The following SCN8A variants were observed in gnomAD, a reference collection of about 807,000 sequenced individuals.
SCN8A encodes sodium channel protein type 8 subunit alpha.
In SCN8A, 30 loss-of-function variants were observed where a neutral mutation model predicts 184.1. The ratio of observed to expected loss-of-function variants is 0.16; its 90% CI spans 0.12 to 0.22. The LOEUF (loss-of-function observed/expected upper bound fraction) is 0.22, where lower values mean the gene tolerates loss of function less well. Ranked by LOEUF, SCN8A falls within the 10% of genes least tolerant of loss-of-function variation. SCN8A has a pLI of 1.00. For missense variants in SCN8A, 1,057 were observed against 2,498.9 expected, an observed-to-expected ratio of 0.42 and a Z score of 12.30; for synonymous variants, 852 against 907.0, an observed-to-expected ratio of 0.94 and a Z score of 1.09.
intron 2 of SCN8A, among the ~76,000 whole-genome samples, chr12:51,670,450 T>G: frequency 6.6e-6 from 1 of 152,140 alleles, no homozygotes; most frequent in East Asian, 1.9e-4. Flanking sequence ...ATCCAGGTCA[T>G]CTAATTTGAT....
chr12:51,699,474 T>C, intron 6 of SCN8A, 96 bp from the exon 7 acceptor site: 1 of 772,174 alleles, frequency 1.3e-6, no homozygotes, highest in Non-Finnish European at 2.1e-6. Flanking sequence ...AGAGTGGTGC[T>C]GTGGGGAGGA....
chr12:51,697,343 T>G (rs564720383), intron 6 of SCN8A, among the ~76,000 whole-genome samples: 16 of 152,186 alleles, frequency 1.1e-4, no homozygotes, highest in Non-Finnish European at 2.2e-4. Context: ...TTTAAGATAT[T>G]TGTGTAAGAG....
At chr12:51,602,940 T>C (rs1939499821) in intron 1 of SCN8A, among the ~76,000 whole-genome samples, 1 of 152,354 alleles carries the variant, frequency 6.6e-6, no homozygotes, top group East Asian at 1.9e-4. Flanking sequence ...TTTTCCTTTT[T>C]TTCTTCTTAA....
At chr12:51,634,596 G>C (rs1399615263) in intron 1 of SCN8A, among the ~76,000 whole-genome samples, 1 of 149,854 alleles carries the variant, frequency 6.7e-6, no homozygotes, top group African/African-American at 2.4e-5. Context: ...AATTTTTATA[G>C]TTTTCTATAT....
intron 1 of SCN8A, among the ~76,000 whole-genome samples, chr12:51,607,175 G>A (rs1436377191): frequency 6.6e-6 from 1 of 152,134 alleles, no homozygotes; most frequent in Non-Finnish European, 1.5e-5. Context: ...GGGATTACAG[G>A]CGTGAGCCAC....
intron 1 of SCN8A, among the ~76,000 whole-genome samples, chr12:51,623,426 A>G (rs1592335368): frequency 6.6e-6 from 1 of 152,230 alleles, no homozygotes; most frequent in South Asian, 2.1e-4. Context: ...GCAATGAGAA[A>G]CCTGCCTCTC....
rs1940951822 is a variant in SCN8A at position 51,662,895 on chromosome 12, G to C, written c.78G>C (p.Glu26Asp). The C allele has an allele frequency of 6.2e-7, 1 of 1,614,044 alleles. No individual in the cohort carries two copies. The highest frequency in any genetic ancestry group is 8.5e-7 in the Non-Finnish European group (1 of 1,179,898). Residue 26 changes from glutamate to aspartate, a missense_variant, in exon 2 of 27, where the codon GAG becomes GAC. Transcript: ENST00000627620. ...CCCCTGAGTCACTGGCAAACATTGA[G>C]AGGCGCATTGCTGAGAGCAAGCTCA... ...PFTPESLANI[E>D]RRIAESKLKK...
Position 51,710,884 on chromosome 12 carries a change from A to G in SCN8A, c.1635+4169A>G, listed in dbSNP as rs73105212. Among the ~76,000 whole-genome samples, 1,239 of 152,286 alleles carry G rather than the reference A, an allele frequency of 8.1e-3. 11 individuals are homozygous for G. Among genetic ancestry groups the G allele is most frequent in the Non-Finnish European group, 0.015 (1,036 of 68,022 alleles). On this transcript the variant is annotated intron_variant, in intron 11 of 26. Transcript: ENST00000627620. ...TTACTCTACATATAGAAAGTACTCT[A>G]CATATACTCTGTGTGCATATTTATT...
At chr12:51,633,327 TC>T (rs1940240942) in intron 1 of SCN8A, among the ~76,000 whole-genome samples, 1 of 152,248 alleles carries the variant, frequency 6.6e-6, no homozygotes, top group South Asian at 2.1e-4. Flanking sequence ...TTATCTAGAT[TC>T]CCTTCTAGCA....
At chr12:51,644,628 C>G (rs373139308) in intron 1 of SCN8A, among the ~76,000 whole-genome samples, 1 of 152,102 alleles carries the variant, frequency 6.6e-6, no homozygotes, top group East Asian at 1.9e-4. Flanking sequence ...CCCAAAGTGC[C>G]GAGATTGCAG....
chr12:51,699,855 G>A (rs946658947), intron 7 of SCN8A, 64 bp downstream of exon 7: 9 of 1,414,416 alleles, frequency 6.4e-6, no homozygotes, highest in Non-Finnish European at 8.8e-6. Flanking sequence ...ATGGTCAGAA[G>A]CTACCACAGG....
chr12:51,770,958 C>G (rs903211386), intron 19 of SCN8A, among the ~76,000 whole-genome samples: 1 of 152,180 alleles, frequency 6.6e-6, no homozygotes, highest in African/African-American at 2.4e-5. Flanking sequence ...ATGAACTTCC[C>G]TCTCTTACCT....
At chr12:51,595,551 G>T (rs74091846) in intron 1 of SCN8A, among the ~76,000 whole-genome samples, 2,260 of 152,260 alleles carry the variant, frequency 0.015, 48 homozygotes, top group African/African-American at 0.051. Context: ...TCCCGACTCT[G>T]CTATGTATTG....
At chr12:51,623,564 T>A (rs1940009764) in intron 1 of SCN8A, among the ~76,000 whole-genome samples, 2 of 152,242 alleles carry the variant, frequency 1.3e-5, no homozygotes, top group African/African-American at 4.8e-5. Context: ...CATGTTTATG[T>A]ACAGATTATT....
chr12:51,637,391 A>G (rs1266966804), intron 1 of SCN8A, among the ~76,000 whole-genome samples: 1 of 152,264 alleles, frequency 6.6e-6, no homozygotes, highest in African/African-American at 2.4e-5. Flanking sequence ...AACTTAGGCC[A>G]AAAGCTAGGC....
intron 13 of SCN8A, among the ~76,000 whole-genome samples, chr12:51,748,985 A>T (rs1942555715): frequency 6.6e-6 from 1 of 152,140 alleles, no homozygotes; most frequent in Admixed American, 6.5e-5. Context: ...ACCCAAAGTA[A>T]CCTCTCTGAA....
chr12:51,669,851 T>TG (rs1941100302), intron 2 of SCN8A, among the ~76,000 whole-genome samples: 1 of 152,214 alleles, frequency 6.6e-6, no homozygotes, highest in Non-Finnish European at 1.5e-5. Context: ...AAAACTGTGC[T>TG]GACACACTTT....
At position 51,807,554 on chromosome 12, in the gene SCN8A, C is replaced by CG; in HGVS notation, c.*126dup. ...CTCTAACCTGAAGATCTATACCAAACGTCGTCTGCTTACCACGTAACACAG... is the reference window on the plus strand; with the variant it reads ...CTCTAACCTGAAGATCTATACCAAACGGTCGTCTGCTTACCACGTAACACAG... On this transcript the variant is annotated 3_prime_UTR_variant, in exon 27 of 27. Coordinates refer to ENST00000627620, the MANE Select transcript of SCN8A (RefSeq NM_001330260.2). The surrounding 1 kb of genome is among the most constrained non-coding windows in gnomAD (Gnocchi z 4.5). 1 of 1,058,456 alleles carries CG rather than the reference C, an allele frequency of 9.4e-7. No individual in the cohort carries two copies. Among genetic ancestry groups the CG allele is most frequent in the Non-Finnish European group, 1.4e-6 (1 of 714,418 alleles). The allele number at this position is 1,058,456 out of a possible 1,614,324, so 65.6% of individuals were successfully genotyped here.
At chr12:51,728,466 GC>G (rs1166173129) in intron 12 of SCN8A, among the ~76,000 whole-genome samples, 2 of 152,114 alleles carry the variant, frequency 1.3e-5, no homozygotes, top group Non-Finnish European at 2.9e-5. Context: ...AGGCATGGTG[GC>G]CCTTACCTGT....
Sources: gnomAD v4.1 joint callset for allele counts (sites outside exome capture counted in the v4.1 genomes callset) on GRCh38, gnomAD v4.1.1 for gene constraint, Gnocchi (gnomAD v3.1) non-coding constraint, MANE v1.5 for transcripts, NCBI Gene and HGNC (gene_info 2026-07-23, HGNC 2026-07-21) for gene names.